GRM7: variants seen among roughly 807,000 people sequenced by gnomAD.
The protein encoded by GRM7 is glutamate metabotropic receptor 7.
GRM7 carries 35 observed loss-of-function variants against 84.5 expected under a neutral mutation model. The ratio of observed to expected loss-of-function variants is 0.41; its 90% CI spans 0.32 to 0.55. GRM7 has a LOEUF of 0.55. Ranked by LOEUF, GRM7 falls within the 20% of genes least tolerant of loss-of-function variation. The pLI, the probability that GRM7 is intolerant of heterozygous loss-of-function variation, is 0.19. For synonymous variants in GRM7, 487 were observed against 455.1 expected (o/e 1.07, Z -0.89); for missense variants, 1,003 against 1,194.6 (o/e 0.84, Z 2.36).
chr3:7,732,532 TAAGGAAAA>T (rs2106527914), intron 9 of GRM7, among the ~76,000 whole-genome samples: 1 of 152,048 alleles, frequency 6.6e-6, no homozygotes, highest in African/African-American at 2.4e-5. Context: ...GGAAACCAGT[TAAGGAAAA>T]AAGGCAAAGA....
intron 1 of GRM7, among the ~76,000 whole-genome samples, chr3:7,103,699 C>A (rs1483629792): frequency 6.6e-6 from 1 of 151,584 alleles, no homozygotes; most frequent in Non-Finnish European, 1.5e-5. Flanking sequence ...TTACTGTGTA[C>A]TAATGCTTAG....
At chr3:7,336,128 G>C (rs1273247639) in intron 4 of GRM7, among the ~76,000 whole-genome samples, 1 of 151,840 alleles carries the variant, frequency 6.6e-6, no homozygotes, top group Non-Finnish European at 1.5e-5. Flanking sequence ...GATGAAGATA[G>C]ATGCAAAAAT....
rs538494288 is a variant in GRM7 at position 7,585,927 on chromosome 3, T to C, written c.2451+6570T>C. Among the ~76,000 whole-genome samples, 18 of 152,240 alleles carry C rather than the reference T, an allele frequency of 1.2e-4. 1 individual carries two copies. In the South Asian group the frequency reaches 2.5e-3, roughly 21 times the overall value. On this transcript the variant is annotated intron_variant, in intron 8 of 9. Coordinates refer to ENST00000357716, the MANE Select transcript of GRM7 (RefSeq NM_000844.4). The stretch of plus-strand genomic sequence containing the variant: ...ACTATAGGTCACAATACTGGCCCAA[T>C]TGTGAATTCTTTCCAACTTCATTTA...
intron 9 of GRM7, among the ~76,000 whole-genome samples, chr3:7,706,088 C>T (rs2125162245): frequency 6.6e-6 from 1 of 152,202 alleles, no homozygotes; most frequent in Non-Finnish European, 1.5e-5. Flanking sequence ...TCCACTTCAC[C>T]ACCCATAATA....
chr3:7,551,761 A>T (rs1693488689), intron 7 of GRM7, among the ~76,000 whole-genome samples: 1 of 152,122 alleles, frequency 6.6e-6, no homozygotes, highest in South Asian at 2.1e-4. Flanking sequence ...ATAAATGTGA[A>T]TGATATTATC....
intron 2 of GRM7, among the ~76,000 whole-genome samples, chr3:7,183,379 C>T (rs1695408602): frequency 6.6e-6 from 1 of 152,160 alleles, no homozygotes; most frequent in African/African-American, 2.4e-5. Flanking sequence ...GTAATCCCGG[C>T]ACTTTGGGAG....
chr3:6,966,435 A>G (rs1295225301), intron 1 of GRM7, among the ~76,000 whole-genome samples: 3 of 152,226 alleles, frequency 2.0e-5, no homozygotes, highest in Non-Finnish European at 4.4e-5. Flanking sequence ...TAATAAACAG[A>G]AGCTGTTATA....
chr3:7,683,499 A>G (rs1051660492), intron 9 of GRM7, among the ~76,000 whole-genome samples: 1 of 152,218 alleles, frequency 6.6e-6, no homozygotes, highest in African/African-American at 2.4e-5. Flanking sequence ...ACTTAACTAG[A>G]TATTGGCTAA....
At chr3:7,103,814 CTT>C (rs143813680) in intron 1 of GRM7, among the ~76,000 whole-genome samples, 1,492 of 71,252 alleles carry the variant, frequency 0.021, 60 homozygotes, top group African/African-American at 0.072. Context: ...TTCTTTCTTT[CTT>C]TCTCTCTCTC....
chr3:7,677,086 C>T (rs1228931434), intron 8 of GRM7, among the ~76,000 whole-genome samples: 1 of 151,554 alleles, frequency 6.6e-6, no homozygotes, highest in Non-Finnish European at 1.5e-5. Flanking sequence ...ACGGTGAAAC[C>T]CCGTCTCTAC....
chr3:7,230,128 C>G (rs567843920), intron 2 of GRM7, among the ~76,000 whole-genome samples: 3 of 151,930 alleles, frequency 2.0e-5, no homozygotes, highest in Non-Finnish European at 4.4e-5. Flanking sequence ...CATGAGCCAC[C>G]GCGCCTGGCC....
intron 4 of GRM7, among the ~76,000 whole-genome samples, chr3:7,395,802 T>G (rs1695189267): frequency 6.6e-6 from 1 of 152,202 alleles, no homozygotes; most frequent in African/African-American, 2.4e-5. Flanking sequence ...TAGTCTCAGG[T>G]ATGTCTTTAT....
At chr3:7,282,306 T>C (rs978608759) in intron 2 of GRM7, among the ~76,000 whole-genome samples, 2 of 152,170 alleles carry the variant, frequency 1.3e-5, no homozygotes, top group Non-Finnish European at 1.5e-5. Context: ...AAAATCAACA[T>C]GTCGGTGGGG....
intron 4 of GRM7, among the ~76,000 whole-genome samples, chr3:7,380,899 A>G (rs953865080): frequency 1.3e-5 from 2 of 152,144 alleles, no homozygotes; most frequent in African/African-American, 4.8e-5. Context: ...GGTGTTTTTC[A>G]TTGTAACATC....
chr3:7,593,911 C>T (rs953381613), intron 8 of GRM7, among the ~76,000 whole-genome samples: 3 of 151,768 alleles, frequency 2.0e-5, no homozygotes, highest in Non-Finnish European at 4.4e-5. Flanking sequence ...GATAGAGCTT[C>T]CAAAATTACA....
chr3:7,334,182 G>A (rs772683156), intron 4 of GRM7, among the ~76,000 whole-genome samples: 2 of 152,004 alleles, frequency 1.3e-5, no homozygotes, highest in Non-Finnish European at 2.9e-5. Flanking sequence ...TCAAGATAAA[G>A]GAAAGCATCT....
chr3:7,426,131 T>A (rs1046612880), intron 5 of GRM7, among the ~76,000 whole-genome samples: 1 of 151,738 alleles, frequency 6.6e-6, no homozygotes, highest in Admixed American at 6.6e-5. Flanking sequence ...TTTTTCTTTT[T>A]TTTTTGAGAT....
At chr3:7,354,292 G>A (rs977108475) in intron 4 of GRM7, among the ~76,000 whole-genome samples, 2 of 152,092 alleles carry the variant, frequency 1.3e-5, no homozygotes, top group African/African-American at 4.8e-5. Flanking sequence ...AGTTAGTATG[G>A]CCCTCTAATT....
At chr3:6,882,815 G>A (rs540636187) in intron 1 of GRM7, among the ~76,000 whole-genome samples, 5 of 152,136 alleles carry the variant, frequency 3.3e-5, no homozygotes, top group East Asian at 1.9e-4. Context: ...CATTATTTAC[G>A]TAGCCAGTTT....
Sources: allele counts gnomAD v4.1 joint callset (sites outside exome capture counted in the v4.1 genomes callset), GRCh38; gene constraint gnomAD v4.1.1; transcripts MANE v1.5; gene names NCBI Gene and HGNC (gene_info 2026-07-23, HGNC 2026-07-21).